SLC24A2: variants seen among roughly 807,000 people sequenced by gnomAD.
SLC24A2 encodes sodium/potassium/calcium exchanger 2.
SLC24A2 carries 36 observed loss-of-function variants against 62.0 expected under a neutral mutation model. That is an observed-to-expected ratio of 0.58 (90% CI 0.44 to 0.77). The LOEUF is 0.77. Among genes scored for constraint, SLC24A2 ranks in the 30% least tolerant of loss-of-function variants. SLC24A2 has a pLI of 0.00. For missense variants in SLC24A2, 846 were observed against 817.9 expected (o/e 1.03, Z -0.42); for synonymous variants, 358 against 294.0 (o/e 1.22, Z -2.23).
At chr9:19,829,241 G>A in the SLC24A2 span, among the ~76,000 whole-genome samples, 1 of 152,084 alleles carries the variant, frequency 6.6e-6, no homozygotes, top group South Asian at 2.1e-4. Context: ...CTCTTTCTAT[G>A]AAGTCCATAG....
chr9:20,258,381 G>C, the SLC24A2 span, among the ~76,000 whole-genome samples: 1 of 152,214 alleles, frequency 6.6e-6, no homozygotes, highest in Non-Finnish European at 1.5e-5. Flanking sequence ...GTTTATCTTT[G>C]AGGGTGTTTT....
At chr9:19,801,787 C>G in the SLC24A2 span, among the ~76,000 whole-genome samples, 1 of 152,276 alleles carries the variant, frequency 6.6e-6, no homozygotes, top group South Asian at 2.1e-4. Context: ...TTTTAGTCCG[C>G]CTAGGAAATC....
chr9:20,074,509 A>G, the SLC24A2 span, among the ~76,000 whole-genome samples: 1 of 150,748 alleles, frequency 6.6e-6, no homozygotes, highest in East Asian at 2.0e-4. Flanking sequence ...AGTTCTTATT[A>G]GGTCATGCCC....
chr9:20,048,167 C>T, the SLC24A2 span, among the ~76,000 whole-genome samples: 4,630 of 152,250 alleles, frequency 0.03, 93 homozygotes, highest in South Asian at 0.07. Flanking sequence ...TGTTTAAATA[C>T]AGTCCCCTTA....
In SLC24A2 at chr9:19,619,681, ACGC is replaced by A; in HGVS notation, c.978_980del (p.Arg327del). 6.2e-7 allele frequency: 1 copy of A among 1,613,712 alleles called. No individual in the cohort carries two copies. The highest frequency in any genetic ancestry group is 8.5e-7 in the Non-Finnish European group (1 of 1,179,728). ...AGGCAGAGCTTCCACCTCGCTGGAGACGCGGCTTAGCCTGAGCAGAGAAACCAA... is the reference window on the plus strand; with the variant it reads ...AGGCAGAGCTTCCACCTCGCTGGAGAGGCTTAGCCTGAGCAGAGAAACCAA... On this transcript the variant is annotated inframe_deletion, in exon 4 of 11. Coordinates refer to ENST00000341998, the MANE Select transcript of SLC24A2 (RefSeq NM_020344.4).
the SLC24A2 span, among the ~76,000 whole-genome samples, chr9:19,840,973 A>C: frequency 6.6e-6 from 1 of 152,162 alleles, no homozygotes; most frequent in Non-Finnish European, 1.5e-5. Context: ...ACATAAGGGA[A>C]TATATATCAA....
At chr9:20,132,586 A>G in the SLC24A2 span, among the ~76,000 whole-genome samples, 3 of 152,036 alleles carry the variant, frequency 2.0e-5, no homozygotes, top group South Asian at 2.1e-4. Context: ...TCACTCCCCA[A>G]TGGCGTGGAT....
intron 2 of SLC24A2, among the ~76,000 whole-genome samples, chr9:19,745,907 T>C (rs989850932): frequency 2.6e-5 from 4 of 152,324 alleles, no homozygotes; most frequent in East Asian, 1.9e-4. Flanking sequence ...AGAGTTAATA[T>C]CAATCTAGTT....
the SLC24A2 span, among the ~76,000 whole-genome samples, chr9:19,834,887 C>A: frequency 6.6e-6 from 1 of 152,192 alleles, no homozygotes; most frequent in East Asian, 1.9e-4. Flanking sequence ...TCGGCAGAAA[C>A]CCTACAAGCC....
chr9:19,757,747 G>A (rs1564083386), intron 2 of SLC24A2, among the ~76,000 whole-genome samples: 2 of 152,170 alleles, frequency 1.3e-5, no homozygotes, highest in Non-Finnish European at 2.9e-5. Flanking sequence ...TGTGTGCTGA[G>A]GATGTTGGGA....
the SLC24A2 span, among the ~76,000 whole-genome samples, chr9:20,159,717 T>C: frequency 6.6e-6 from 1 of 151,322 alleles, no homozygotes; most frequent in Non-Finnish European, 1.5e-5. Context: ...GATCAGATAA[T>C]AAAAGATTAA....
the SLC24A2 span, among the ~76,000 whole-genome samples, chr9:19,829,808 TATACACACACAC>T: frequency 5.0e-3 from 134 of 26,736 alleles, 1 homozygote; most frequent in Middle Eastern, 0.037. Flanking sequence ...TATATATATA[TATACACACACAC>T]ACACACACAC....
the SLC24A2 span, among the ~76,000 whole-genome samples, chr9:20,301,486 T>C: frequency 6.6e-6 from 1 of 152,202 alleles, no homozygotes; most frequent in Non-Finnish European, 1.5e-5. Context: ...ACCACACATT[T>C]ACCCTTTTAT....
chr9:20,274,790 G>A, the SLC24A2 span, among the ~76,000 whole-genome samples: 7 of 152,020 alleles, frequency 4.6e-5, no homozygotes, highest in African/African-American at 1.7e-4. Flanking sequence ...GAGATCTCTT[G>A]GGGATGAAGA....
intron 2 of SLC24A2, among the ~76,000 whole-genome samples, chr9:19,636,381 TTC>T (rs1818350001): frequency 1.2e-4 from 2 of 16,250 alleles, no homozygotes; most frequent in South Asian, 6.6e-3. Context: ...CTTTCTTTCT[TTC>T]TTTCTCCCTC....
At chr9:19,720,792 A>C (rs1298585650) in intron 2 of SLC24A2, among the ~76,000 whole-genome samples, 1 of 129,934 alleles carries the variant, frequency 7.7e-6, no homozygotes, top group Non-Finnish European at 1.6e-5. Flanking sequence ...CATATTCTTG[A>C]TTTTCTTTTT....
At chr9:20,073,517 G>A in the SLC24A2 span, among the ~76,000 whole-genome samples, 1 of 152,082 alleles carries the variant, frequency 6.6e-6, no homozygotes, top group Non-Finnish European at 1.5e-5. Context: ...ATTATACTGG[G>A]TGTGTACATC....
chr9:19,912,369 G>C, the SLC24A2 span, among the ~76,000 whole-genome samples: 1 of 152,114 alleles, frequency 6.6e-6, no homozygotes, highest in African/African-American at 2.4e-5. Flanking sequence ...TACAAATAGT[G>C]TATGAATTCC....
chr9:19,615,215 T>G (rs1164691071), intron 4 of SLC24A2, among the ~76,000 whole-genome samples: 1 of 152,184 alleles, frequency 6.6e-6, no homozygotes, highest in East Asian at 1.9e-4. Context: ...AGATGCTGCT[T>G]TCAAATGAAT....
Sources: gnomAD v4.1 joint callset for allele counts (sites outside exome capture counted in the v4.1 genomes callset) on GRCh38, gnomAD v4.1.1 for gene constraint, MANE v1.5 for transcripts, NCBI Gene and HGNC (gene_info 2026-07-23, HGNC 2026-07-21) for gene names.